WDR20: variants seen among roughly 807,000 people sequenced by gnomAD.
WDR20 encodes WD repeat-containing protein 20.
Under a neutral mutation model 38.7 loss-of-function variants are expected in WDR20, and 3 were observed. That is an observed-to-expected ratio of 0.08 (90% confidence interval 0.04 to 0.20). The LOEUF is 0.20. Among genes scored for constraint, WDR20 ranks in the 10% least tolerant of loss-of-function variants. The pLI is 1.00. For missense variants in WDR20, 559 were observed against 727.7 expected, an observed-to-expected ratio of 0.77 and a Z score of 2.67; for synonymous variants, 298 against 285.6, an observed-to-expected ratio of 1.04 and a Z score of -0.44.
intron 1 of WDR20, among the ~76,000 whole-genome samples, chr14:102,159,262 G>A (rs1330018436): frequency 6.6e-6 from 1 of 152,060 alleles, no homozygotes; most frequent in Non-Finnish European, 1.5e-5. Context: ...TTTTCTATGG[G>A]TCATGTGCCT....
chr14:102,156,293 G>T (rs889355064), intron 1 of WDR20, among the ~76,000 whole-genome samples: 1 of 150,980 alleles, frequency 6.6e-6, no homozygotes, highest in East Asian at 2.0e-4. Context: ...TCAGCCTCCC[G>T]AGTAGCTGGG....
At chr14:102,193,120 G>T (rs1182859799) in intron 1 of WDR20, among the ~76,000 whole-genome samples, 1 of 148,336 alleles carries the variant, frequency 6.7e-6, no homozygotes, top group Non-Finnish European at 1.5e-5. Context: ...TTTTATATTT[G>T]TAGGTTTTTT....
At chr14:102,213,838 AG>A (rs1483830683), downstream of WDR20, 4 of 985,268 alleles carry the variant, frequency 4.1e-6, no homozygotes, top group Non-Finnish European at 4.8e-6. Flanking sequence ...GAGAAAACCT[AG>A]GGGTTGGGGG....
intron 1 of WDR20, among the ~76,000 whole-genome samples, chr14:102,147,620 G>C (rs544737828): frequency 6.6e-6 from 1 of 152,216 alleles, no homozygotes; most frequent in East Asian, 1.9e-4. Context: ...TGACTTAAGG[G>C]TAAAGTGCTT....
At chr14:102,164,809 C>T (rs2059436188) in intron 1 of WDR20, among the ~76,000 whole-genome samples, 1 of 152,144 alleles carries the variant, frequency 6.6e-6, no homozygotes, top group Non-Finnish European at 1.5e-5. Flanking sequence ...GTCCTCTTCC[C>T]TTTTCTTTTC....
At chr14:102,211,626 G>A (rs1289668942), downstream of WDR20, among the ~76,000 whole-genome samples, 1 of 152,150 alleles carries the variant, frequency 6.6e-6, no homozygotes, top group African/African-American at 2.4e-5. This position sits in a 1 kb window ranked among gnomAD's most constrained non-coding sequence, Gnocchi z 4.2. Context: ...TGTGGAATAC[G>A]GGCCTTTGTT....
chr14:102,216,714 G>A (rs2063262397), downstream of WDR20, among the ~76,000 whole-genome samples: 1 of 152,142 alleles, frequency 6.6e-6, no homozygotes, highest in Non-Finnish European at 1.5e-5. Context: ...TGGATCACCT[G>A]AGCCCAGGAG....
At position 102,209,173 on chromosome 14, in the gene WDR20, C is replaced by G. The variant is rs2062080126; in HGVS notation, c.1003C>G (p.Gln335Glu). 3 of 1,614,122 alleles carry G rather than the reference C, an allele frequency of 1.9e-6. No homozygotes were observed. Among genetic ancestry groups the G allele is most frequent in the Non-Finnish European group, 2.5e-6 (3 of 1,180,026 alleles). The change falls in exon 3 of 3, where the codon CAA becomes GAA. Residue 335 changes from glutamine (Q) to glutamate (E), a missense_variant. By Grantham distance (29) the Gln-to-Glu change is conservative (BLOSUM62 2). Coordinates refer to ENST00000342702, the MANE Select transcript of WDR20 (RefSeq NM_144574.4). This position sits in a 1 kb window ranked among gnomAD's most constrained non-coding sequence, Gnocchi z 6.0. ...GTTTAGTGGCAGCGATGAGGACTTC[C>G]AAGACCTTCTTCATTTTGGCAGAGA... ...MEFSGSDEDF[Q>E]DLLHFGRDRA...
intron 1 of WDR20, among the ~76,000 whole-genome samples, chr14:102,141,913 A>C (rs2051351408): frequency 6.6e-6 from 1 of 152,172 alleles, no homozygotes; most frequent in African/African-American, 2.4e-5. Context: ...ATTACTTAAA[A>C]ATTTTTTTTT....
At chr14:102,144,371 A>G (rs992443041) in intron 1 of WDR20, among the ~76,000 whole-genome samples, 5 of 151,272 alleles carry the variant, frequency 3.3e-5, no homozygotes, top group Admixed American at 3.3e-4. Context: ...AGTCCCAGCT[A>G]CTCGGGAGGC....
intron 1 of WDR20, among the ~76,000 whole-genome samples, chr14:102,143,420 T>A (rs2152673379): frequency 6.6e-6 from 1 of 152,246 alleles, no homozygotes. Context: ...CTGACACTAA[T>A]CATTTTACCA....
At chr14:102,193,125 T>G (rs74082246) in intron 1 of WDR20, among the ~76,000 whole-genome samples, 2,817 of 148,024 alleles carry the variant, frequency 0.019, 89 homozygotes, top group African/African-American at 0.065. Context: ...TATTTGTAGG[T>G]TTTTTTTTTG....
At chr14:102,171,725 C>T (rs2060862118) in intron 1 of WDR20, among the ~76,000 whole-genome samples, 1 of 151,618 alleles carries the variant, frequency 6.6e-6, no homozygotes, top group African/African-American at 2.4e-5. Context: ...GGTGGAAATA[C>T]AGCCTATTGG....
downstream of WDR20, among the ~76,000 whole-genome samples, chr14:102,223,917 G>A (rs1023041648): frequency 1.3e-4 from 20 of 151,890 alleles, no homozygotes; most frequent in African/African-American, 3.1e-4. Context: ...TCAGGATCAC[G>A]TTTCCATACA....
chr14:102,222,755 C>G lies in WDR20; in HGVS notation c.1693-75C>G. The stretch of plus-strand genomic sequence containing the variant: ...CACCAGTTTTGACCACGTGGAGCTG[C>G]TGGCGGAGGGCGCGCATGGTGGCTG... On this transcript the variant is annotated intron_variant, in intron 3 of 3. Transcript: ENST00000335263. The surrounding 1 kb of genome is among the most constrained non-coding windows in gnomAD (Gnocchi z 4.4). 1 of 1,547,984 alleles carries G rather than the reference C, an allele frequency of 6.5e-7. No homozygotes were observed. Among genetic ancestry groups the G allele is most frequent in the Non-Finnish European group, 8.9e-7 (1 of 1,121,336 alleles).
intron 1 of WDR20, among the ~76,000 whole-genome samples, chr14:102,169,199 A>G (rs1466076669): frequency 6.6e-6 from 1 of 152,078 alleles, no homozygotes; most frequent in East Asian, 1.9e-4. Flanking sequence ...CTCTGCTTAG[A>G]ATCCCCTCCC....
In WDR20 at chr14:102,207,792, G is replaced by A. The variant is rs961608975; in HGVS notation, c.433-811G>A. 2.0e-5 allele frequency among the ~76,000 whole-genome samples: 3 copies of A among 152,130 alleles called. No homozygotes were observed. The highest frequency in any genetic ancestry group is 1.3e-4 in the Admixed American group (2 of 15,280). On this transcript the variant is annotated intron_variant, in intron 2 of 2. Transcript: ENST00000342702. This position sits in a 1 kb window ranked among gnomAD's most constrained non-coding sequence, Gnocchi z 5.0. The stretch of plus-strand genomic sequence containing the variant: ...GGTGGGGCAGGTATTTTTGCCCTTC[G>A]TTATTTGGGTTTTAAAGGCAAGACT...
chr14:102,190,164 C>T (rs1488787948), intron 1 of WDR20, among the ~76,000 whole-genome samples: 1 of 152,172 alleles, frequency 6.6e-6, no homozygotes, highest in Non-Finnish European at 1.5e-5. Context: ...TTCCAGGTCC[C>T]TCATCAATGT....
At chr14:102,174,178 A>G (rs1478127206) in intron 1 of WDR20, among the ~76,000 whole-genome samples, 3 of 152,004 alleles carry the variant, frequency 2.0e-5, no homozygotes, top group Non-Finnish European at 4.4e-5. Flanking sequence ...TATTTTTGCA[A>G]TTGTGAATTC....
Sources: allele counts gnomAD v4.1 joint callset (sites outside exome capture counted in the v4.1 genomes callset), GRCh38; gene constraint gnomAD v4.1.1; non-coding constraint Gnocchi (gnomAD v3.1); transcripts MANE v1.5; gene names NCBI Gene and HGNC (gene_info 2026-07-23, HGNC 2026-07-21).